Variants in CCDC144A observed in about 807,000 individuals in gnomAD.
CCDC144A encodes coiled-coil domain containing 144A, also known as coiled-coil domain-containing protein 144A.
In CCDC144A, 41 loss-of-function variants were observed where a neutral mutation model predicts 143.8. The observed-to-expected ratio is 0.29, with a 90% CI of 0.22 to 0.37. The LOEUF is 0.37. Among genes scored for constraint, CCDC144A ranks in the 10% least tolerant of loss-of-function variants. The probability of loss-of-function intolerance (pLI) is 1.00; values close to 1 mark genes in which losing one functional copy is unlikely to be tolerated. For synonymous variants in CCDC144A, 242 were observed against 517.9 expected (o/e 0.47, Z 7.23); for missense variants, 637 against 1,488.8 (o/e 0.43, Z 9.41).
the CCDC144A span, among the ~76,000 whole-genome samples, chr17:16,668,438 T>C: frequency 6.6e-6 from 1 of 152,250 alleles, no homozygotes; most frequent in Non-Finnish European, 1.5e-5. Context: ...TATTCATTTA[T>C]GACAGGTGAG....
At chr17:16,745,773 C>T in intron 12 of CCDC144A, 2 of 1,612,640 alleles carry the variant, frequency 1.2e-6, no homozygotes, top group Non-Finnish European at 8.5e-7. Context: ...GTTTGCCAGT[C>T]GCTCTTTTCT....
At chr17:16,694,492 A>G (rs1490067333) in intron 2 of CCDC144A, among the ~76,000 whole-genome samples, 1 of 152,032 alleles carries the variant, frequency 6.6e-6, no homozygotes, top group Non-Finnish European at 1.5e-5. Flanking sequence ...CTGAGATGGG[A>G]GGATCGCTTG....
At chr17:16,728,454 T>C (rs1913541877) in intron 9 of CCDC144A, among the ~76,000 whole-genome samples, 1 of 152,184 alleles carries the variant, frequency 6.6e-6, no homozygotes, top group Admixed American at 6.5e-5. Context: ...AGACCTTTGA[T>C]CAATATTTCT....
chr17:16,682,942 C>T, the CCDC144A span, among the ~76,000 whole-genome samples: 1 of 108,780 alleles, frequency 9.2e-6, no homozygotes, highest in African/African-American at 3.5e-5. Flanking sequence ...TGCTCTGTAA[C>T]GCAGGCTGGA....
At chr17:16,761,188 T>A (rs1351764225) in intron 12 of CCDC144A, among the ~76,000 whole-genome samples, 2 of 152,002 alleles carry the variant, frequency 1.3e-5, no homozygotes, top group African/African-American at 2.4e-5. Flanking sequence ...TTAAAAAAAA[T>A]TTAGCCAGGG....
chr17:16,699,476 C>T (rs1465011399), intron 2 of CCDC144A, among the ~76,000 whole-genome samples: 2 of 108,152 alleles, frequency 1.8e-5, no homozygotes, highest in African/African-American at 3.8e-5. Context: ...CCCGGGTTCA[C>T]ACCATTCTCC....
rs1428140317 is a variant in CCDC144A at position 16,775,987 on chromosome 17, T to A, written c.*2354T>A. 6.6e-6 allele frequency: 1 copy of A among 152,224 alleles called. No homozygotes were observed. Among genetic ancestry groups the A allele is most frequent in the Non-Finnish European group, 1.5e-5 (1 of 68,038 alleles). The allele number at this position is 152,224 out of a possible 1,614,324, so 9.4% of individuals were successfully genotyped here. A position where few individuals can be genotyped will look rare whatever the true frequency, so the allele number is the denominator to read the frequency against. The stretch of plus-strand genomic sequence containing the variant: ...ATCTTTTCCCCATTGCTTCCTTTTG[T>A]CAGGTTTGTCAAAGATCACATGGTT... On this transcript the variant is annotated 3_prime_UTR_variant, in exon 17 of 17. Transcript: ENST00000399273.
chr17:16,700,967 T>G (rs1218816058), intron 2 of CCDC144A, among the ~76,000 whole-genome samples: 3 of 152,140 alleles, frequency 2.0e-5, no homozygotes, highest in African/African-American at 7.2e-5. Context: ...TGTTTACAAT[T>G]ATGAAATAAG....
chr17:16,702,859 G>C (rs910482512), intron 2 of CCDC144A, among the ~76,000 whole-genome samples: 1 of 151,752 alleles, frequency 6.6e-6, no homozygotes, highest in African/African-American at 2.4e-5. Context: ...TAAGGTGAAC[G>C]TGCAGCACCA....
rs1487035015 is a variant in CCDC144A, at chr17:16,720,187, T to C, written c.1716-11T>C. 13 of 1,515,482 alleles carry C rather than the reference T, an allele frequency of 8.6e-6. No individual in the cohort carries two copies. The highest frequency in any genetic ancestry group is 1.1e-5 in the Non-Finnish European group (13 of 1,133,576). The allele number at this position is 1,515,482 out of a possible 1,614,324, so 93.9% of individuals were successfully genotyped here. On this transcript the variant is annotated splice_polypyrimidine_tract_variant and intron_variant, in intron 6 of 16. Transcript: ENST00000399273. ...GCTATTTTTCTAAAAGGAATTGTTT[T>C]TTTTTTTCAGGCCTGCAGATAAAAC... is the stretch of plus-strand genomic sequence containing the variant.
chr17:16,670,933 A>G, the CCDC144A span, among the ~76,000 whole-genome samples: 2 of 152,130 alleles, frequency 1.3e-5, no homozygotes, highest in African/African-American at 2.4e-5. Flanking sequence ...ACCATGCTGG[A>G]AAAAGTTACT....
At chr17:16,737,826 G>T (rs1044722436) in intron 12 of CCDC144A, among the ~76,000 whole-genome samples, 8 of 151,852 alleles carry the variant, frequency 5.3e-5, no homozygotes, top group Non-Finnish European at 1.2e-4. Context: ...TAATACACTT[G>T]TTTCTTAACC....
intron 12 of CCDC144A, among the ~76,000 whole-genome samples, chr17:16,755,700 C>A (rs1226081237): frequency 6.6e-6 from 1 of 152,200 alleles, no homozygotes; most frequent in Admixed American, 6.5e-5. Context: ...GCTGGGACCA[C>A]AGGCATGAGC....
At chr17:16,747,191 G>A (rs1013267359) in intron 12 of CCDC144A, among the ~76,000 whole-genome samples, 12 of 151,898 alleles carry the variant, frequency 7.9e-5, no homozygotes, top group Admixed American at 6.6e-4. Context: ...TATTTGTGTC[G>A]GCTTTGTCAA....
At chr17:16,707,971 C>T (rs1448054108) in intron 4 of CCDC144A, among the ~76,000 whole-genome samples, 11 of 152,018 alleles carry the variant, frequency 7.2e-5, no homozygotes, top group Admixed American at 2.0e-4. Context: ...GTTACTAATG[C>T]CTAGGTTAAA....
chr17:16,683,884 C>G, the CCDC144A span: 40 of 1,355,566 alleles, frequency 3.0e-5, no homozygotes, highest in Non-Finnish European at 3.9e-5. Flanking sequence ...TCGTCGTCTA[C>G]GCTGATGGCT....
At chr17:16,680,721 A>G in the CCDC144A span, among the ~76,000 whole-genome samples, 1 of 151,932 alleles carries the variant, frequency 6.6e-6, no homozygotes, top group Non-Finnish European at 1.5e-5. Context: ...CAAAAAAAAA[A>G]TGTTTCAAGC....
At chr17:16,669,910 C>A in the CCDC144A span, among the ~76,000 whole-genome samples, 1 of 152,246 alleles carries the variant, frequency 6.6e-6, no homozygotes, top group East Asian at 1.9e-4. Context: ...TATTGTTAGG[C>A]CAGGCCCGGT....
chr17:16,690,714 C>T lies in CCDC144A; in HGVS notation c.314C>T (p.Thr105Ile). 6.2e-7 allele frequency: 1 copy of T among 1,611,574 alleles called. No individual in the cohort carries two copies. Among genetic ancestry groups the T allele is most frequent in the Non-Finnish European group, 8.5e-7 (1 of 1,178,046 alleles). ...GVEHILAPGD[T>I]GVDKRDRKKS... ...GAGCACATCTTAGCTCCTGGAGACA[C>T]TGGCGTGGACAAGAGGGATAGGAAG... Residue 105 changes from threonine (T) to isoleucine (I), a missense_variant, in exon 1 of 17, where the codon ACT becomes ATT. By Grantham distance (89) the Thr-to-Ile change is moderately conservative (BLOSUM62 -1). Coordinates refer to ENST00000399273, the MANE Select transcript of CCDC144A (RefSeq NM_001382000.1).
Sources: gnomAD v4.1 joint callset for allele counts (sites outside exome capture counted in the v4.1 genomes callset) on GRCh38, gnomAD v4.1.1 for gene constraint, MANE v1.5 for transcripts, NCBI Gene and HGNC (gene_info 2026-07-23, HGNC 2026-07-21) for gene names.